Variants in TNPO1 observed in about 807,000 individuals in gnomAD.
TNPO1 encodes the protein transportin-1.
TNPO1 carries 8 observed loss-of-function variants against 119.5 expected under a neutral mutation model. That is an observed-to-expected ratio of 0.07 (90% CI 0.04 to 0.12). The LOEUF (loss-of-function observed/expected upper bound fraction) is 0.12, where lower values mean the gene tolerates loss of function less well. Ranked by LOEUF, TNPO1 falls within the 10% of genes least tolerant of loss-of-function variation. The pLI, the probability that TNPO1 is intolerant of heterozygous loss-of-function variation, is 1.00. For missense variants in TNPO1, 576 were observed against 1,089.8 expected, an observed-to-expected ratio of 0.53 and a Z score of 6.64; for synonymous variants, 362 against 363.0, an observed-to-expected ratio of 1.00 and a Z score of 0.03.
intron 1 of TNPO1, among the ~76,000 whole-genome samples, chr5:72,827,281 G>T (rs528650188): frequency 6.6e-6 from 1 of 152,326 alleles, no homozygotes; most frequent in African/African-American, 2.4e-5. Context: ...CCCATGTTAG[G>T]TACAGCTTTG....
chr5:72,906,831 G>A (rs1413207704), intron 24 of TNPO1, among the ~76,000 whole-genome samples: 1 of 152,022 alleles, frequency 6.6e-6, no homozygotes, highest in Non-Finnish European at 1.5e-5. Context: ...TTAGGAACTG[G>A]GCCAGTACAA....
chr5:72,873,426 G>T (rs1482576220), intron 7 of TNPO1, among the ~76,000 whole-genome samples: 4 of 152,038 alleles, frequency 2.6e-5, no homozygotes, highest in Non-Finnish European at 5.9e-5. Flanking sequence ...GAGTAGGGGG[G>T]GTTACGTTAC....
chr5:72,890,880 G>T (rs1288593744), intron 14 of TNPO1, among the ~76,000 whole-genome samples: 2 of 151,930 alleles, frequency 1.3e-5, no homozygotes, highest in African/African-American at 4.8e-5. Flanking sequence ...GTGTGACAAG[G>T]TCTCACTCTG....
intron 24 of TNPO1, among the ~76,000 whole-genome samples, chr5:72,906,541 C>T (rs561164769): frequency 3.0e-4 from 45 of 152,156 alleles, no homozygotes; most frequent in African/African-American, 8.9e-4. Context: ...GCACCCACCT[C>T]GGCCTCCCAA....
rs1045859086 is a variant in TNPO1, at chr5:72,905,211, A to AT, written c.2590-91dup. The AT allele has an allele frequency of 7.0e-5, 65 of 925,856 alleles. No homozygotes were observed. In the African/African-American group the frequency reaches 9.1e-4, roughly 13 times the overall value. 57.4% of individuals were successfully genotyped at this position (925,856 alleles called of 1,614,324 possible). Reference sequence around the variant, plus strand: ...TGCTACTTTAAAATGGATAAAATTTATAAAAAAATCAGCTGTGTTGGATTT... The same window carrying AT: ...TGCTACTTTAAAATGGATAAAATTTATTAAAAAAATCAGCTGTGTTGGATTT... On this transcript the variant is annotated intron_variant, in intron 23 of 24. Coordinates refer to ENST00000337273, the MANE Select transcript of TNPO1 (RefSeq NM_002270.4).
intron 9 of TNPO1, among the ~76,000 whole-genome samples, chr5:72,878,215 C>T (rs1747955207): frequency 6.6e-6 from 1 of 152,060 alleles, no homozygotes; most frequent in Admixed American, 6.5e-5. Flanking sequence ...TTTTTCCCCT[C>T]ATAAATAATC....
intron 1 of TNPO1, among the ~76,000 whole-genome samples, chr5:72,820,239 T>C (rs1026285044): frequency 2.0e-5 from 3 of 152,180 alleles, no homozygotes; most frequent in Non-Finnish European, 2.9e-5. Flanking sequence ...TAAGAAACAC[T>C]GCAATGAACA....
intron 1 of TNPO1, among the ~76,000 whole-genome samples, chr5:72,843,313 G>A (rs749562168): frequency 4.6e-5 from 7 of 152,148 alleles, no homozygotes; most frequent in Non-Finnish European, 1.0e-4. Context: ...AAAAACTATG[G>A]CCAGGCAGGG....
intron 1 of TNPO1, among the ~76,000 whole-genome samples, chr5:72,819,389 G>C (rs1042544908): frequency 4.6e-5 from 7 of 152,212 alleles, no homozygotes; most frequent in Non-Finnish European, 8.8e-5. Flanking sequence ...AGTTAGGAGA[G>C]GTTTTCAAAA....
rs565215653 is a variant in TNPO1, at chr5:72,874,207, A to C, written c.679-1408A>C. On this transcript the variant is annotated intron_variant, in intron 7 of 24. Coordinates refer to ENST00000337273, the MANE Select transcript of TNPO1 (RefSeq NM_002270.4). ...AATTCTCTACCCTACAAAAACAGTA[A>C]ACCTCTGGAGGAAGTGCCTCTAACA... 6.6e-5 allele frequency among the ~76,000 whole-genome samples: 10 copies of C among 152,256 alleles called. No individual in the cohort carries two copies. In the South Asian group the frequency reaches 1.9e-3, roughly 28 times the overall value.
In TNPO1 at chr5:72,887,811, A is replaced by C. The variant is rs561277667; in HGVS notation, c.1304-267A>C. Among the ~76,000 whole-genome samples, 9 of 152,236 alleles carry C rather than the reference A, an allele frequency of 5.9e-5. 1 individual carries two copies. Among genetic ancestry groups the C allele is most frequent in the Admixed American group, 5.9e-4 (9 of 15,292 alleles). On this transcript the variant is annotated intron_variant, in intron 12 of 24. Coordinates refer to ENST00000337273, the MANE Select transcript of TNPO1 (RefSeq NM_002270.4). ...AGTATAGGAAACACAATAAGGCAAGACTCTCTTCATTCTCTATGAAGGGTT... is the reference window on the plus strand; with the variant it reads ...AGTATAGGAAACACAATAAGGCAAGCCTCTCTTCATTCTCTATGAAGGGTT...
intron 10 of TNPO1, 79 bp downstream of exon 10, chr5:72,882,606 A>G: frequency 4.1e-6 from 4 of 982,202 alleles, no homozygotes; most frequent in Non-Finnish European, 6.3e-6. Flanking sequence ...CCAATAAAAC[A>G]TTCATTGAGA....
chr5:72,877,166 C>T (rs1580440861), intron 8 of TNPO1, 62 bp from the exon 9 acceptor site: 2 of 818,988 alleles, frequency 2.4e-6, no homozygotes, highest in Non-Finnish European at 3.9e-6. Flanking sequence ...GATAATAGGA[C>T]TGAATTGATA....
In TNPO1 at chr5:72,897,061, G is replaced by C; in HGVS notation, c.2248G>C (p.Glu750Gln). The change falls in exon 20 of 25, where the codon GAG becomes CAG. Residue 750 changes from glutamate (E) to glutamine (Q), a missense_variant. By Grantham distance (29) the Glu-to-Gln change is conservative. Around this residue, in one of 6 missense-constraint regions of TNPO1, gnomAD observed 162 missense variants for 294.1 expected, o/e 0.55. Transcript: ENST00000337273. ...CTTTTTGGGATGATCTCTAGGTATA[G>C]AGATGCAGCCTTATATTCCTATGGT... Reference protein sequence around the residue: ...IGEISIQMGIEMQPYIPMVLH... With the variant: ...IGEISIQMGIQMQPYIPMVLH... 6.3e-7 allele frequency: 1 copy of C among 1,589,482 alleles called. No homozygotes were observed. The highest frequency in any genetic ancestry group is 8.5e-7 in the Non-Finnish European group (1 of 1,171,854).
intron 11 of TNPO1, among the ~76,000 whole-genome samples, 181 bp from the exon 12 acceptor site, chr5:72,886,889 A>T (rs1455775809): frequency 1.4e-4 from 1 of 7,218 alleles, no homozygotes; most frequent in Non-Finnish European, 5.1e-4. Context: ...ACTCCATCTC[A>T]AAAAAAAAAA....
chr5:72,821,094 GGTTT>G (rs1309448815), intron 1 of TNPO1, among the ~76,000 whole-genome samples: 2 of 152,046 alleles, frequency 1.3e-5, no homozygotes, highest in African/African-American at 4.8e-5. Context: ...AGTAAATGAA[GGTTT>G]TACTGGGGAA....
intron 2 of TNPO1, among the ~76,000 whole-genome samples, chr5:72,848,833 G>C (rs908246108): frequency 6.7e-5 from 10 of 150,368 alleles, no homozygotes; most frequent in Non-Finnish European, 1.3e-4. Flanking sequence ...GCCCGCCGCT[G>C]ACCTGCCGCG....
chr5:72,855,153 G>A (rs1315518798), intron 3 of TNPO1, among the ~76,000 whole-genome samples: 1 of 151,930 alleles, frequency 6.6e-6, no homozygotes, highest in Non-Finnish European at 1.5e-5. Flanking sequence ...ACACCACCAT[G>A]CCTGGCTAAT....
At chr5:72,868,300 C>G (rs887272120) in intron 6 of TNPO1, among the ~76,000 whole-genome samples, 2 of 151,720 alleles carry the variant, frequency 1.3e-5, no homozygotes, top group African/African-American at 4.8e-5. Flanking sequence ...GGCATGGTGG[C>G]GGGCACCTGT....
Sources: gnomAD v4.1 joint callset for allele counts (sites outside exome capture counted in the v4.1 genomes callset) on GRCh38, gnomAD v4.1.1 for gene constraint, gnomAD v4.1.1 regional missense constraint, MANE v1.5 for transcripts, NCBI Gene and HGNC (gene_info 2026-07-23, HGNC 2026-07-21) for gene names.